RABL3: variants seen among roughly 807,000 people sequenced by gnomAD.
RABL3 encodes the protein RAB, member of RAS oncogene family like 3, also known as rab-like protein 3.
RABL3 carries 31 observed loss-of-function variants against 31.8 expected under a neutral mutation model. The ratio of observed to expected loss-of-function variants is 0.97; its 90% confidence interval spans 0.73 to 1.31. The LOEUF (loss-of-function observed/expected upper bound fraction) is 1.31. Among genes scored for constraint, RABL3 ranks in the 40% most tolerant of loss-of-function variants. The probability of loss-of-function intolerance (pLI) is 0.00; values close to 1 mark genes in which losing one functional copy is unlikely to be tolerated. For synonymous variants in RABL3, 97 were observed against 99.9 expected (o/e 0.97, Z 0.18); for missense variants, 263 against 279.6 (o/e 0.94, Z 0.42).
At chr3:120,720,132 T>C (rs958314389) in intron 2 of RABL3, among the ~76,000 whole-genome samples, 25 of 152,242 alleles carry the variant, frequency 1.6e-4, no homozygotes, top group African/African-American at 5.8e-4. Flanking sequence ...GTCCTGACTG[T>C]TAGAAGGAAA....
intron 5 of RABL3, among the ~76,000 whole-genome samples, chr3:120,696,007 C>T (rs572417053): frequency 6.6e-6 from 1 of 152,138 alleles, no homozygotes. Context: ...AAATTAATAG[C>T]TCCAAATAGC....
chr3:120,740,449 G>A (rs1021088719), intron 1 of RABL3, among the ~76,000 whole-genome samples: 2 of 152,076 alleles, frequency 1.3e-5, no homozygotes, highest in African/African-American at 4.8e-5. Context: ...GTTTTTGGTA[G>A]AGAGAGGGTC....
intron 2 of RABL3, among the ~76,000 whole-genome samples, chr3:120,717,852 G>A (rs1360027417): frequency 6.6e-6 from 1 of 152,178 alleles, no homozygotes. Context: ...GTAATCTCAT[G>A]TTGGCCTGCT....
intron 2 of RABL3, among the ~76,000 whole-genome samples, chr3:120,716,074 T>G (rs924974514): frequency 6.6e-6 from 1 of 152,234 alleles, no homozygotes. Flanking sequence ...GTCTGTACAT[T>G]GTTAGGCTGT....
chr3:120,706,670 T>C (rs1482456242), intron 3 of RABL3, among the ~76,000 whole-genome samples: 1 of 150,110 alleles, frequency 6.7e-6, no homozygotes, highest in Non-Finnish European at 1.5e-5. Context: ...GAGACTAATC[T>C]ATTCAAATGT....
At chr3:120,723,378 A>G (rs939604423) in intron 2 of RABL3, among the ~76,000 whole-genome samples, 1 of 152,236 alleles carries the variant, frequency 6.6e-6, no homozygotes, top group Non-Finnish European at 1.5e-5. Flanking sequence ...TACAAGGAGG[A>G]GCTGGTACCA....
intron 1 of RABL3, among the ~76,000 whole-genome samples, chr3:120,740,128 G>A (rs1709023479): frequency 6.6e-6 from 1 of 152,148 alleles, no homozygotes. Context: ...CAGCTGTTTG[G>A]TAATATGTTA....
intron 3 of RABL3, among the ~76,000 whole-genome samples, chr3:120,707,580 T>A (rs1037356042): frequency 6.6e-6 from 1 of 152,074 alleles, no homozygotes; most frequent in African/African-American, 2.4e-5. Context: ...TGCACTCAGG[T>A]AATCTGACAG....
chr3:120,723,932 T>C (rs866140569), intron 2 of RABL3, among the ~76,000 whole-genome samples: 4 of 151,962 alleles, frequency 2.6e-5, no homozygotes, highest in African/African-American at 9.7e-5. Context: ...CAACATAGTG[T>C]TGGAAGTTCT....
intron 2 of RABL3, among the ~76,000 whole-genome samples, chr3:120,717,087 T>C (rs1285170929): frequency 1.3e-5 from 2 of 151,984 alleles, no homozygotes; most frequent in Admixed American, 1.3e-4. Context: ...ACCCAGTCTC[T>C]ACTCAAAATA....
intron 4 of RABL3, 38 bp from the exon 5 acceptor site, chr3:120,698,611 T>A: frequency 6.5e-7 from 1 of 1,546,518 alleles, no homozygotes; most frequent in Non-Finnish European, 8.9e-7. Context: ...ATAGAATGTA[T>A]CTTTCTGGTG....
Position 120,688,426 on chromosome 3 carries a change from T to C in RABL3, c.*1397A>G, listed in dbSNP as rs1389614562. ...ATGAAAGCTGCTTTAAAAATCCTTT[T>C]CCAAATTCCCAAGACTGCCTTTCTA... On this transcript the variant is annotated 3_prime_UTR_variant, in exon 8 of 8. Coordinates refer to ENST00000273375, the MANE Select transcript of RABL3 (RefSeq NM_173825.5). 6.6e-6 allele frequency: 1 copy of C among 152,574 alleles called. No homozygotes were observed. The highest frequency in any genetic ancestry group is 1.5e-5 in the Non-Finnish European group (1 of 68,030). The allele number at this position is 152,574 out of a possible 1,614,324, so 9.5% of individuals were successfully genotyped here. A position where few individuals can be genotyped will look rare whatever the true frequency, so the allele number is the denominator to read the frequency against.
rs376036292 is a variant in RABL3, at chr3:120,698,534, T to G, written c.423A>C (p.Pro141=). 6.2e-7 allele frequency: 1 copy of G among 1,613,072 alleles called. No homozygotes were observed. Among genetic ancestry groups the G allele is most frequent in the Non-Finnish European group, 8.5e-7 (1 of 1,179,318 alleles). Reference sequence around the variant, plus strand: ...CCAGTTTAGTCCCTATTACCAACAGTGGTATTTGGTTATCAGCAAACTGTT... The same window carrying G: ...CCAGTTTAGTCCCTATTACCAACAGGGGTATTTGGTTATCAGCAAACTGTT... ...DQEQFADNQI[P]LLVIGTKLDQ... is the part of the protein sequence containing the mutation. Residue 141 remains proline (P), a synonymous_variant, in exon 5 of 8, where the codon CCA becomes CCC. Transcript: ENST00000273375.
At chr3:120,708,472 G>C (rs1202319803) in intron 3 of RABL3, among the ~76,000 whole-genome samples, 1 of 151,780 alleles carries the variant, frequency 6.6e-6, no homozygotes, top group African/African-American at 2.4e-5. Context: ...TTGTACCTCT[G>C]TCTCAAAAAT....
In RABL3 at chr3:120,689,749, A is replaced by T; in HGVS notation, c.*74T>A. ...GATTTTGTTAAAAGGCTGTGATGGTAATAATTGAACACAGCAAGATGAGCT... is the reference window on the plus strand; with the variant it reads ...GATTTTGTTAAAAGGCTGTGATGGTTATAATTGAACACAGCAAGATGAGCT... On this transcript the variant is annotated 3_prime_UTR_variant, in exon 8 of 8. Transcript: ENST00000273375. 1.0e-6 allele frequency: 1 copy of T among 975,036 alleles called. No individual in the cohort carries two copies. The highest frequency in any genetic ancestry group is 1.6e-6 in the Non-Finnish European group (1 of 609,284). 60.4% of individuals were successfully genotyped at this position (975,036 alleles called of 1,614,324 possible).
intron 1 of RABL3, among the ~76,000 whole-genome samples, chr3:120,732,596 G>C (rs1329162476): frequency 6.6e-6 from 1 of 151,488 alleles, no homozygotes; most frequent in Non-Finnish European, 1.5e-5. Context: ...TAAGTTCTAG[G>C]GTACATGTGC....
At chr3:120,728,593 C>T (rs1708848500) in intron 2 of RABL3, among the ~76,000 whole-genome samples, 1 of 151,982 alleles carries the variant, frequency 6.6e-6, no homozygotes, top group African/African-American at 2.4e-5. Flanking sequence ...AGGAGATATA[C>T]CTAATGCTAA....
chr3:120,742,320 C>G, intron 1 of RABL3, 142 bp downstream of exon 1: 3 of 779,342 alleles, frequency 3.8e-6, no homozygotes, highest in Non-Finnish European at 6.5e-6. Context: ...GCAAAGTCCC[C>G]TGGGAAGTGT....
chr3:120,724,143 C>T (rs886985194), intron 2 of RABL3, among the ~76,000 whole-genome samples: 31 of 152,050 alleles, frequency 2.0e-4, no homozygotes, highest in African/African-American at 6.5e-4. Flanking sequence ...CAAGCATTCT[C>T]ATACACTAAT....
Sources: allele counts gnomAD v4.1 joint callset (sites outside exome capture counted in the v4.1 genomes callset), GRCh38; gene constraint gnomAD v4.1.1; transcripts MANE v1.5; gene names NCBI Gene and HGNC (gene_info 2026-07-23, HGNC 2026-07-21).